Variants in GPR19 observed in about 807,000 individuals in gnomAD.
GPR19 encodes the protein G protein-coupled receptor 19.
Under a neutral mutation model 28.5 loss-of-function variants are expected in GPR19, and 14 were observed. The ratio of observed to expected loss-of-function variants is 0.49; its 90% confidence interval spans 0.32 to 0.77. The LOEUF (loss-of-function observed/expected upper bound fraction) is 0.77. GPR19 is among the 30% of genes least tolerant of loss of function. The pLI, the probability that GPR19 is intolerant of heterozygous loss-of-function variation, is 0.03. For missense variants in GPR19, 409 were observed against 504.1 expected, an observed-to-expected ratio of 0.81 and a Z score of 1.81; for synonymous variants, 173 against 184.1, an observed-to-expected ratio of 0.94 and a Z score of 0.49.
At chr12:12,669,751 G>A (rs921793090) in intron 3 of GPR19, among the ~76,000 whole-genome samples, 3 of 152,176 alleles carry the variant, frequency 2.0e-5, no homozygotes, top group Admixed American at 2.0e-4. Context: ...GTAGGGCAGG[G>A]CTTTCAGGGC....
chr12:12,711,390 T>G, the GPR19 span, among the ~76,000 whole-genome samples: 1 of 152,036 alleles, frequency 6.6e-6, no homozygotes, highest in African/African-American at 2.4e-5. Context: ...CTTCAACATG[T>G]GGCTTCCAAG....
chr12:12,706,571 G>A, the GPR19 span, among the ~76,000 whole-genome samples: 4 of 151,974 alleles, frequency 2.6e-5, no homozygotes, highest in Admixed American at 2.0e-4. Context: ...CTGCTTACTC[G>A]ACATCTCCAT....
At chr12:12,700,308 C>G (rs960661861), upstream of GPR19, among the ~76,000 whole-genome samples, 29 of 152,152 alleles carry the variant, frequency 1.9e-4, no homozygotes, top group African/African-American at 6.7e-4. Context: ...CCACCTCAGC[C>G]TCCCAAGAAG....
intron 3 of GPR19, among the ~76,000 whole-genome samples, chr12:12,667,506 T>A (rs564677408): frequency 1.4e-3 from 215 of 151,870 alleles, no homozygotes; most frequent in African/African-American, 5.1e-3. Flanking sequence ...GCCTGGCCAA[T>A]ACGGCAAAAC....
the GPR19 span, among the ~76,000 whole-genome samples, chr12:12,703,805 T>C: frequency 6.6e-6 from 1 of 152,296 alleles, no homozygotes; most frequent in African/African-American, 2.4e-5. Flanking sequence ...ATGTCTAGGA[T>C]TCCTAATACC....
intron 1 of GPR19, among the ~76,000 whole-genome samples, chr12:12,695,862 G>GTAT (rs1946252569): frequency 6.6e-6 from 1 of 152,068 alleles, no homozygotes; most frequent in Admixed American, 6.5e-5. Context: ...CCTTCCCACT[G>GTAT]TATTACCTTA....
chr12:12,681,503 A>G (rs959108520), intron 3 of GPR19, among the ~76,000 whole-genome samples: 29 of 152,120 alleles, frequency 1.9e-4, no homozygotes, highest in African/African-American at 7.0e-4. Context: ...GCCCCCTTTT[A>G]GACTCCAGAG....
Position 12,661,873 on chromosome 12 carries a change from T to G in GPR19, c.576A>C (p.Ala192=). 3.7e-6 allele frequency: 6 copies of G among 1,614,170 alleles called. No individual in the cohort carries two copies. Among genetic ancestry groups the G allele is most frequent in the Non-Finnish European group, 5.1e-6 (6 of 1,180,020 alleles). Residue 192 remains alanine (A), a synonymous_variant, in exon 4 of 4, where the codon GCA becomes GCC. Transcript: ENST00000651487. This position sits in a 1 kb window ranked among gnomAD's most constrained non-coding sequence, Gnocchi z 4.2. ...AAAAGAGCACAGGGGTCACAAAGCC[T>G]GCATCAAAGACCCACGATGCCGCAA... ...KMIAASWVFD[A]GFVTPVLFFY...
the GPR19 span, among the ~76,000 whole-genome samples, chr12:12,706,052 TTAGAC>T: frequency 2.0e-5 from 3 of 152,192 alleles, no homozygotes; most frequent in African/African-American, 7.2e-5. Context: ...TACCCTCTGC[TTAGAC>T]TAGGAGTGTG....
the GPR19 span, among the ~76,000 whole-genome samples, chr12:12,708,675 C>T: frequency 8.5e-5 from 13 of 152,302 alleles, no homozygotes; most frequent in Middle Eastern, 3.4e-3. Flanking sequence ...GCTTCATCTG[C>T]AAGAGTGGAT....
chr12:12,678,073 C>CAAAAA (rs56014911), intron 3 of GPR19, among the ~76,000 whole-genome samples: 3 of 46,096 alleles, frequency 6.5e-5, no homozygotes, highest in South Asian at 9.1e-4. Context: ...GACTCTGTCT[C>CAAAAA]AAAAAAAAAA....
At chr12:12,690,468 T>G (rs974214823) in intron 2 of GPR19, among the ~76,000 whole-genome samples, 1 of 152,170 alleles carries the variant, frequency 6.6e-6, no homozygotes, top group Admixed American at 6.5e-5. Flanking sequence ...AGACGTTAGA[T>G]TAGACAAGGG....
chr12:12,712,144 C>A, the GPR19 span, among the ~76,000 whole-genome samples: 1 of 152,238 alleles, frequency 6.6e-6, no homozygotes, highest in Non-Finnish European at 1.5e-5. Context: ...CTTTGCGGCT[C>A]AGGAGATTAT....
chr12:12,686,898 A>G (rs548654087), intron 2 of GPR19, among the ~76,000 whole-genome samples: 51 of 152,356 alleles, frequency 3.3e-4, no homozygotes, highest in African/African-American at 1.2e-3. Flanking sequence ...TGGCTTAATG[A>G]TATTTAAAAT....
At chr12:12,702,451 G>C in the GPR19 span, among the ~76,000 whole-genome samples, 1 of 152,142 alleles carries the variant, frequency 6.6e-6, no homozygotes, top group Non-Finnish European at 1.5e-5. Flanking sequence ...ACATGTTAGA[G>C]TATGTACTGG....
chr12:12,665,716 A>G (rs1311152666), intron 3 of GPR19, among the ~76,000 whole-genome samples: 1 of 146,292 alleles, frequency 6.8e-6, no homozygotes, highest in Non-Finnish European at 1.5e-5. Flanking sequence ...GGGCGCCTGT[A>G]GTCCCAGCTA....
the GPR19 span, among the ~76,000 whole-genome samples, chr12:12,712,852 C>T: frequency 2.0e-5 from 3 of 152,076 alleles, no homozygotes; most frequent in African/African-American, 4.8e-5. Context: ...AGTTTTTGTG[C>T]ACATGGTATA....
At chr12:12,679,228 T>C (rs967117141) in intron 3 of GPR19, among the ~76,000 whole-genome samples, 12 of 152,132 alleles carry the variant, frequency 7.9e-5, no homozygotes, top group African/African-American at 2.9e-4. Context: ...GAGACATTTT[T>C]AGTTGTCATG....
At chr12:12,681,310 A>C (rs1946016809) in intron 3 of GPR19, among the ~76,000 whole-genome samples, 1 of 152,182 alleles carries the variant, frequency 6.6e-6, no homozygotes, top group African/African-American at 2.4e-5. Flanking sequence ...TGTGTCCGAA[A>C]GGCAGGACCC....
Sources: allele counts gnomAD v4.1 joint callset (sites outside exome capture counted in the v4.1 genomes callset), GRCh38; gene constraint gnomAD v4.1.1; non-coding constraint Gnocchi (gnomAD v3.1); transcripts MANE v1.5; gene names NCBI Gene and HGNC (gene_info 2026-07-23, HGNC 2026-07-21).